KCNH6: variants seen among roughly 807,000 people sequenced by gnomAD.
KCNH6 encodes the protein voltage-gated inwardly rectifying potassium channel KCNH6.
KCNH6 carries 81 observed loss-of-function variants against 83.4 expected under a neutral mutation model. That is an observed-to-expected ratio of 0.97 (90% CI 0.81 to 1.17). The LOEUF is 1.17. KCNH6 is among the 50% of genes most tolerant of loss of function. KCNH6 has a pLI of 0.00. For missense variants in KCNH6, 1,203 were observed against 1,290.5 expected (o/e 0.93, Z 1.04); for synonymous variants, 503 against 545.6 (o/e 0.92, Z 1.09).
At chr17:63,526,073 G>C (rs2031692264) in intron 2 of KCNH6, among the ~76,000 whole-genome samples, 1 of 152,216 alleles carries the variant, frequency 6.6e-6, no homozygotes, top group Admixed American at 6.5e-5. Flanking sequence ...GGCCCCCTGA[G>C]ATCAGGACTC....
Position 63,535,975 on chromosome 17 carries a change from A to C in KCNH6, c.1408A>C (p.Thr470Pro), listed in dbSNP as rs1597994650. 1.2e-6 allele frequency: 2 copies of C among 1,613,642 alleles called. No individual in the cohort carries two copies. The highest frequency in any genetic ancestry group is 4.5e-5 in the East Asian group (2 of 44,870). ...CAAGTATGTCACAGCCCTCTACTTC[A>C]CCTTCAGCAGCCTCACCAGCGTGGG... ...QDKYVTALYF[T>P]FSSLTSVGFG... The change falls in exon 6 of 13, where the codon ACC becomes CCC. Residue 470 changes from threonine (T) to proline (P), a missense_variant. Coordinates refer to ENST00000314672, the MANE Select transcript of KCNH6 (RefSeq NM_001278919.2). This position sits in a 1 kb window ranked among gnomAD's most constrained non-coding sequence, Gnocchi z 4.9.
intron 8 of KCNH6, among the ~76,000 whole-genome samples, chr17:63,540,395 G>T (rs1372935498): frequency 6.6e-6 from 1 of 151,842 alleles, no homozygotes; most frequent in Admixed American, 6.6e-5. Flanking sequence ...TCACGCCACT[G>T]TACTCCAGCC....
chr17:63,542,439 G>A lies in KCNH6; in HGVS notation c.2148+5G>A. ...GTCACCTTCAACCTGCGGGACGTGA[G>A]TCAGGGCCAGGTGGGCCAGGGTGGG... On this transcript the variant is annotated splice_donor_5th_base_variant and intron_variant, in intron 9 of 12. Coordinates refer to ENST00000314672, the MANE Select transcript of KCNH6 (RefSeq NM_001278919.2). The A allele has an allele frequency of 1.2e-6, 2 of 1,613,286 alleles. No individual in the cohort carries two copies. The highest frequency in any genetic ancestry group is 8.5e-7 in the Non-Finnish European group (1 of 1,179,490).
At position 63,538,169 on chromosome 17, in the gene KCNH6, A is replaced by T; in HGVS notation, c.1606A>T (p.Ile536Phe). 6.2e-7 allele frequency: 1 copy of T among 1,614,106 alleles called. No individual in the cohort carries two copies. Among genetic ancestry groups the T allele is most frequent in the Non-Finnish European group, 8.5e-7 (1 of 1,179,972 alleles). The stretch of plus-strand genomic sequence containing the variant: ...GCAGATGCTGCGTGTCAAGGAGTTC[A>T]TCCGCTTCCACCAGATCCCCAACCC... ...HTQMLRVKEFIRFHQIPNPLR... is the reference protein window; with the variant it reads ...HTQMLRVKEFFRFHQIPNPLR... The change falls in exon 7 of 13, where the codon ATC becomes TTC. Residue 536 changes from isoleucine to phenylalanine, a missense_variant. Coordinates refer to ENST00000314672, the MANE Select transcript of KCNH6 (RefSeq NM_001278919.2). The surrounding 1 kb of genome is among the most constrained non-coding windows in gnomAD (Gnocchi z 4.0).
chr17:63,545,706 C>T lies in KCNH6; in HGVS notation c.2681C>T (p.Ala894Val), dbSNP rs773525979. The T allele has an allele frequency of 8.7e-6, 14 of 1,614,064 alleles. No individual in the cohort carries two copies. The highest frequency in any genetic ancestry group is 1.7e-5 in the Admixed American group (1 of 60,026). The part of the protein sequence containing the change: ...HLAVATDKTL[A>V]PSSEQEQPEG... The stretch of plus-strand genomic sequence containing the variant: ...GCTGTGGCAACGGACAAAACTCTGG[C>T]ACCATCCTCAGAACAGGAACAGCCT... The change falls in exon 13 of 13, where the codon GCA (alanine) becomes GTA (valine). Residue 894 changes from alanine (A) to valine (V), a missense_variant. Physicochemically the swap from Ala to Val is moderately conservative, Grantham distance 64. Transcript: ENST00000314672.
chr17:63,543,099 G>A (rs1188257700), intron 9 of KCNH6, among the ~76,000 whole-genome samples: 1 of 152,254 alleles, frequency 6.6e-6, no homozygotes, highest in Non-Finnish European at 1.5e-5. Context: ...TGGGAAGAAG[G>A]GAGTGTGCAT....
At chr17:63,526,320 C>T (rs777596578) in intron 2 of KCNH6, among the ~76,000 whole-genome samples, 3 of 151,902 alleles carry the variant, frequency 2.0e-5, no homozygotes, top group Non-Finnish European at 2.9e-5. Context: ...GCCTGCATTA[C>T]ACTAAGGGAA....
Position 63,533,745 on chromosome 17 carries a change from T to A in KCNH6, c.676-141T>A. On this transcript the variant is annotated intron_variant, in intron 4 of 12. Transcript: ENST00000314672. This position sits in a 1 kb window ranked among gnomAD's most constrained non-coding sequence, Gnocchi z 4.1. ...GCCTTCTCAGACACCCCCCACCCCA[T>A]CTCTCCCTCATCCCCTCTGCCCACC... is the stretch of plus-strand genomic sequence containing the variant. 4.7e-6 allele frequency: 3 copies of A among 633,028 alleles called. No individual in the cohort carries two copies. The highest frequency in any genetic ancestry group is 2.9e-5 in the East Asian group (1 of 34,638). 39.2% of individuals were successfully genotyped at this position (633,028 alleles called of 1,614,324 possible).
intron 10 of KCNH6, chr17:63,543,954 C>G: frequency 1.0e-6 from 1 of 955,264 alleles, no homozygotes; most frequent in East Asian, 2.6e-5. Flanking sequence ...TCAGGGGGGC[C>G]ACTGGGCTGC....
Position 63,530,177 on chromosome 17 carries a change from C to G in KCNH6, c.394C>G (p.Leu132Val), listed in dbSNP as rs1280059758. The stretch of plus-strand genomic sequence containing the variant: ...CATGTTCATTCTCAACTTCGAGGAC[C>G]TGGCCCAGCTCCTGGCCAAGTGCAG... ...VIMFILNFED[L>V]AQLLAKCSSR... Residue 132 changes from leucine to valine, a missense_variant, in exon 3 of 13, where the codon CTG (leucine) becomes GTG (valine). Leu to Val is a conservative substitution (Grantham distance 32). Coordinates refer to ENST00000314672, the MANE Select transcript of KCNH6 (RefSeq NM_001278919.2). The G allele has an allele frequency of 6.2e-7, 1 of 1,614,176 alleles. No homozygotes were observed. The highest frequency in any genetic ancestry group is 1.7e-4 in the Middle Eastern group (1 of 6,030).
chr17:63,534,744 A>C lies in KCNH6; in HGVS notation c.1101+433A>C, dbSNP rs980931795. ...GCCCATAGGTGACGTGAAGGCATCT[A>C]CATGCCTTTCTCATAGCTTCCAGTC... On this transcript the variant is annotated intron_variant, in intron 5 of 12. Transcript: ENST00000314672. This position sits in a 1 kb window ranked among gnomAD's most constrained non-coding sequence, Gnocchi z 5.0. 6.6e-6 allele frequency among the ~76,000 whole-genome samples: 1 copy of C among 152,016 alleles called. No individual in the cohort carries two copies. Among genetic ancestry groups the C allele is most frequent in the Non-Finnish European group, 1.5e-5 (1 of 67,986 alleles).
chr17:63,543,953 C>G, intron 10 of KCNH6: 1 of 945,392 alleles, frequency 1.1e-6, no homozygotes, highest in South Asian at 1.7e-5. Context: ...ATCAGGGGGG[C>G]CACTGGGCTG....
intron 6 of KCNH6, 112 bp downstream of exon 6, chr17:63,536,180 G>C (rs1401057882): frequency 1.0e-6 from 1 of 963,706 alleles, no homozygotes; most frequent in African/African-American, 1.6e-5. Flanking sequence ...AATTCATGCA[G>C]TACACTGATC....
chr17:63,531,381 T>C (rs978443812), intron 4 of KCNH6, among the ~76,000 whole-genome samples: 6 of 152,174 alleles, frequency 3.9e-5, no homozygotes, highest in African/African-American at 1.4e-4. Context: ...CCATTTGACA[T>C]TGAGTAGTTC....
chr17:63,526,390 C>CTTTT (rs11316766), intron 2 of KCNH6, among the ~76,000 whole-genome samples: 1 of 134,676 alleles, frequency 7.4e-6, no homozygotes, highest in Non-Finnish European at 1.6e-5. Flanking sequence ...TCATATAATC[C>CTTTT]TTTTTTTTTT....
intron 8 of KCNH6, among the ~76,000 whole-genome samples, chr17:63,541,006 C>T (rs959652844): frequency 2.0e-5 from 3 of 152,186 alleles, no homozygotes; most frequent in African/African-American, 7.2e-5. Context: ...AGGAGGAGCC[C>T]CTCCCTCCTC....
chr17:63,524,194 C>T lies in KCNH6; in HGVS notation c.132C>T (p.Cys44=). 1 of 1,614,220 alleles carries T rather than the reference C, an allele frequency of 6.2e-7. No homozygotes were observed. Residue 44 remains cysteine, a synonymous_variant, in exon 2 of 13, where the codon TGC becomes TGT. Coordinates refer to ENST00000314672, the MANE Select transcript of KCNH6 (RefSeq NM_001278919.2). ...TGGAGAACTGCGCCATCATTTACTG[C>T]AACGACGGCTTCTGCGAACTCTTCG... ...AQMENCAIIY[C]NDGFCELFGY...
At chr17:63,530,637 A>G (rs2147650396) in intron 4 of KCNH6, 95 bp downstream of exon 4, 2 of 1,099,792 alleles carry the variant, frequency 1.8e-6, no homozygotes, top group South Asian at 2.7e-5. Context: ...GCCTTGGCCG[A>G]TAAAGAGATC....
At chr17:63,530,667 T>A in intron 4 of KCNH6, 125 bp downstream of exon 4, 1 of 840,446 alleles carries the variant, frequency 1.2e-6, no homozygotes, top group Non-Finnish European at 1.9e-6. Flanking sequence ...CAGCCTCTAA[T>A]ATCTGGTTTG....
Sources: gnomAD v4.1 joint callset for allele counts (sites outside exome capture counted in the v4.1 genomes callset) on GRCh38, gnomAD v4.1.1 for gene constraint, Gnocchi (gnomAD v3.1) non-coding constraint, MANE v1.5 for transcripts, NCBI Gene and HGNC (gene_info 2026-07-23, HGNC 2026-07-21) for gene names.